STK3: variants seen among roughly 807,000 people sequenced by gnomAD.
The protein encoded by STK3 is serine/threonine kinase 3, also known as serine/threonine-protein kinase 3.
A neutral mutation model predicts 58.0 loss-of-function variants in STK3; 41 were observed. The observed-to-expected ratio is 0.71, with a 90% confidence interval of 0.55 to 0.92. The LOEUF is 0.92. Ranked by LOEUF, STK3 falls within the 40% of genes least tolerant of loss-of-function variation. STK3 has a pLI of 0.00. For synonymous variants in STK3, 170 were observed against 191.0 expected (o/e 0.89, Z 0.91); for missense variants, 479 against 602.7 (o/e 0.79, Z 2.15).
chr8:98,886,555 T>TTA (rs1256907359), intron 1 of STK3, among the ~76,000 whole-genome samples: 1 of 152,230 alleles, frequency 6.6e-6, no homozygotes, highest in Non-Finnish European at 1.5e-5. Context: ...TGCTAAGCTG[T>TTA]TACAAGTGGT....
chr8:98,527,422 C>T (rs1206338041), intron 9 of STK3, among the ~76,000 whole-genome samples: 1 of 151,956 alleles, frequency 6.6e-6, no homozygotes, highest in African/African-American at 2.4e-5. Flanking sequence ...AGTTCAAGAC[C>T]AGCCTAAGCA....
At chr8:98,756,986 G>C (rs1294236585) in intron 3 of STK3, among the ~76,000 whole-genome samples, 1 of 152,066 alleles carries the variant, frequency 6.6e-6, no homozygotes, top group Non-Finnish European at 1.5e-5. Context: ...TCCCTTCCCA[G>C]GGAAACCACA....
chr8:98,721,684 T>C (rs1827438210), intron 4 of STK3, among the ~76,000 whole-genome samples: 1 of 151,798 alleles, frequency 6.6e-6, no homozygotes, highest in Non-Finnish European at 1.5e-5. Flanking sequence ...AAAGAGCTAA[T>C]TAACATACAT....
At chr8:98,554,182 A>C (rs1042153371) in intron 8 of STK3, among the ~76,000 whole-genome samples, 7 of 152,254 alleles carry the variant, frequency 4.6e-5, no homozygotes, top group African/African-American at 1.4e-4. Context: ...TTTAACTCAT[A>C]CTACAGGTTT....
At chr8:98,560,681 T>C (rs1478641488) in intron 8 of STK3, among the ~76,000 whole-genome samples, 1 of 152,112 alleles carries the variant, frequency 6.6e-6, no homozygotes, top group Non-Finnish European at 1.5e-5. Flanking sequence ...GTTGACAAAA[T>C]GATCCTTTCT....
intron 4 of STK3, among the ~76,000 whole-genome samples, chr8:98,710,596 G>A (rs1341865557): frequency 6.6e-6 from 1 of 152,192 alleles, no homozygotes; most frequent in Admixed American, 6.5e-5. Context: ...GCTGGGGGAG[G>A]GGCGCCTGCC....
chr8:98,456,075 T>G, intron 10 of STK3, 75 bp from the exon 11 acceptor site: 2 of 1,343,746 alleles, frequency 1.5e-6, no homozygotes, highest in South Asian at 1.4e-5. Context: ...GAAATTAGAC[T>G]TTAATGTCTA....
At chr8:98,646,806 C>G (rs886233470) in intron 6 of STK3, among the ~76,000 whole-genome samples, 1 of 152,102 alleles carries the variant, frequency 6.6e-6, no homozygotes, top group Non-Finnish European at 1.5e-5. Flanking sequence ...TATCCAAAAC[C>G]TGATTAGGTC....
chr8:98,650,720 C>A (rs142527005), intron 6 of STK3, among the ~76,000 whole-genome samples: 23 of 152,310 alleles, frequency 1.5e-4, no homozygotes, highest in East Asian at 3.9e-4. Flanking sequence ...CCTACGCCCA[C>A]GGAGTCTCGC....
upstream of STK3, among the ~76,000 whole-genome samples, chr8:98,389,301 C>A (rs1563590134): frequency 6.6e-6 from 1 of 152,136 alleles, no homozygotes; most frequent in African/African-American, 2.4e-5. Flanking sequence ...ACTTGGCACT[C>A]CGAAATGACA....
intron 3 of STK3, among the ~76,000 whole-genome samples, chr8:98,754,298 C>T (rs1463068740): frequency 6.6e-6 from 1 of 152,048 alleles, no homozygotes; most frequent in East Asian, 1.9e-4. Flanking sequence ...TAAGGTATGG[C>T]GCCTATGTGG....
intron 3 of STK3, among the ~76,000 whole-genome samples, chr8:98,866,452 T>C (rs1410801896): frequency 1.3e-5 from 2 of 152,172 alleles, no homozygotes; most frequent in African/African-American, 4.8e-5. Context: ...ATAAGATGCT[T>C]CCCTGTGGCA....
intron 1 of STK3, among the ~76,000 whole-genome samples, chr8:98,887,890 T>C (rs2131914471): frequency 6.6e-6 from 1 of 152,348 alleles, no homozygotes; most frequent in South Asian, 2.1e-4. Context: ...AGGCATTCGC[T>C]GGCCTTTCTG....
chr8:98,783,895 A>G (rs1832284244), intron 1 of STK3, among the ~76,000 whole-genome samples: 1 of 152,212 alleles, frequency 6.6e-6, no homozygotes, highest in African/African-American at 2.4e-5. Flanking sequence ...ACAGGAATCC[A>G]CTGGAATCGT....
rs543268955 is a variant in STK3, at chr8:98,382,756, T to G, written n.57-3549A>C. ...TGCACCGTCCACTCCAGCGGCCACA[T>G]GACTGAGGGGAAAAGGCAAGAAACC... On this transcript the variant is annotated intron_variant and non_coding_transcript_variant, in intron 1 of 2. Coordinates refer to the STK3 transcript ENST00000518704. Among the ~76,000 whole-genome samples the G allele has an allele frequency of 4.9e-4, 75 of 152,206 alleles. No homozygotes were observed. In the South Asian group the frequency reaches 0.015, roughly 30 times the overall value.
chr8:98,597,344 G>A, intron 6 of STK3: 1 of 985,278 alleles, frequency 1.0e-6, no homozygotes. Context: ...CTTTTTACCA[G>A]TATATGCATC....
intron 1 of STK3, among the ~76,000 whole-genome samples, chr8:98,447,438 G>A (rs571227389): frequency 7.9e-5 from 12 of 151,846 alleles, no homozygotes; most frequent in African/African-American, 2.9e-4. Context: ...ATTGGACAGA[G>A]TAAGGATAGG....
chr8:98,558,885 T>C (rs1811799311), intron 8 of STK3, among the ~76,000 whole-genome samples: 1 of 152,144 alleles, frequency 6.6e-6, no homozygotes, highest in East Asian at 1.9e-4. Context: ...AAAATAATTT[T>C]AGAAAATTTC....
intron 8 of STK3, among the ~76,000 whole-genome samples, chr8:98,569,913 A>ATG (rs534903718): frequency 0.021 from 3,024 of 147,354 alleles, 36 homozygotes; most frequent in Non-Finnish European, 0.027. Flanking sequence ...AAAAAAAAAT[A>ATG]TGTGTGTGTG....
Sources: allele counts gnomAD v4.1 joint callset (sites outside exome capture counted in the v4.1 genomes callset), GRCh38; gene constraint gnomAD v4.1.1; transcripts MANE v1.5; gene names NCBI Gene and HGNC (gene_info 2026-07-23, HGNC 2026-07-21).